Variants in RSRC1 observed in about 807,000 individuals in gnomAD.
The protein encoded by RSRC1 is arginine and serine rich coiled-coil 1.
Under a neutral mutation model 49.1 loss-of-function variants are expected in RSRC1, and 39 were observed. That is an observed-to-expected ratio of 0.79 (90% CI 0.61 to 1.04). The LOEUF (loss-of-function observed/expected upper bound fraction) is 1.04, where lower values mean the gene tolerates loss of function less well. Ranked by LOEUF, RSRC1 falls within the 50% of genes least tolerant of loss-of-function variation. The pLI is 0.00. For missense variants in RSRC1, 388 were observed against 402.4 expected (o/e 0.96, Z 0.31); for synonymous variants, 143 against 130.8 (o/e 1.09, Z -0.63).
intron 6 of RSRC1, among the ~76,000 whole-genome samples, chr3:158,409,307 A>C (rs1479327698): frequency 6.6e-6 from 1 of 152,172 alleles, no homozygotes; most frequent in Non-Finnish European, 1.5e-5. Context: ...CTGCATTTGA[A>C]TTCACAAAAT....
intron 3 of RSRC1, among the ~76,000 whole-genome samples, chr3:158,180,471 ATT>A (rs1490011692): frequency 1.1e-5 from 1 of 92,606 alleles, no homozygotes; most frequent in Non-Finnish European, 2.0e-5. Context: ...TGTGTGTGTA[ATT>A]TTTTGTTTCT....
intron 5 of RSRC1, among the ~76,000 whole-genome samples, chr3:158,317,860 T>A (rs1728548036): frequency 6.6e-6 from 1 of 152,124 alleles, no homozygotes; most frequent in African/African-American, 2.4e-5. Context: ...GTGCCTGGCC[T>A]AAAAAACATA....
At chr3:158,515,580 G>C (rs1405057985) in intron 7 of RSRC1, among the ~76,000 whole-genome samples, 1 of 133,096 alleles carries the variant, frequency 7.5e-6, no homozygotes, top group Non-Finnish European at 1.6e-5. Flanking sequence ...ATGTGTCTTG[G>C]AGTTGCTCTT....
chr3:158,213,239 A>G (rs1295784426), intron 4 of RSRC1, among the ~76,000 whole-genome samples: 2 of 151,944 alleles, frequency 1.3e-5, no homozygotes, highest in African/African-American at 2.4e-5. Context: ...TAGGAATAAC[A>G]TATGTCTCTT....
intron 3 of RSRC1, among the ~76,000 whole-genome samples, chr3:158,193,731 AAATTT>A (rs1307285351): frequency 6.6e-6 from 1 of 152,134 alleles, no homozygotes; most frequent in Non-Finnish European, 1.5e-5. Context: ...ACGTAATAGA[AAATTT>A]AATCAGAAAA....
intron 7 of RSRC1, among the ~76,000 whole-genome samples, chr3:158,495,001 T>C (rs1031315408): frequency 6.6e-6 from 1 of 152,232 alleles, no homozygotes; most frequent in Admixed American, 6.5e-5. Flanking sequence ...CTCTACATAA[T>C]TGTATGTGCT....
chr3:158,361,894 C>T (rs888483317), intron 6 of RSRC1, among the ~76,000 whole-genome samples: 20 of 152,136 alleles, frequency 1.3e-4, no homozygotes, highest in African/African-American at 4.6e-4. Flanking sequence ...ATTCCAGTAC[C>T]TAATGTTTCT....
intron 6 of RSRC1, among the ~76,000 whole-genome samples, chr3:158,411,233 T>TA (rs745496456): frequency 1.3e-5 from 2 of 152,162 alleles, no homozygotes; most frequent in Non-Finnish European, 2.9e-5. Context: ...AGTTTGATGC[T>TA]AATATGAATA....
At chr3:158,185,742 T>C (rs1018256740) in intron 3 of RSRC1, among the ~76,000 whole-genome samples, 1 of 151,964 alleles carries the variant, frequency 6.6e-6, no homozygotes, top group South Asian at 2.1e-4. Flanking sequence ...TACCCCTTTG[T>C]AATTTAAATG....
intron 3 of RSRC1, among the ~76,000 whole-genome samples, chr3:158,139,262 C>T (rs1716586273): frequency 6.6e-6 from 1 of 151,794 alleles, no homozygotes; most frequent in African/African-American, 2.4e-5. Context: ...TTAGCTGGGC[C>T]TGGTGACGGG....
At chr3:158,430,637 A>T (rs1735730109) in intron 6 of RSRC1, among the ~76,000 whole-genome samples, 1 of 151,942 alleles carries the variant, frequency 6.6e-6, no homozygotes, top group Non-Finnish European at 1.5e-5. Context: ...GGAAATACAG[A>T]TATGAATAAG....
At chr3:158,366,883 C>T (rs1731798335) in intron 6 of RSRC1, among the ~76,000 whole-genome samples, 2 of 152,040 alleles carry the variant, frequency 1.3e-5, no homozygotes, top group Admixed American at 1.3e-4. Context: ...AGTTGGATTC[C>T]TAGGTATTTT....
Position 158,515,098 on chromosome 3 carries a change from G to A in RSRC1, c.653-21994G>A, listed in dbSNP as rs56396640. 6.2e-5 allele frequency among the ~76,000 whole-genome samples: 9 copies of A among 144,944 alleles called. No homozygotes were observed. In the South Asian group the frequency reaches 1.9e-3, roughly 31 times the overall value. On this transcript the variant is annotated intron_variant, in intron 7 of 9. Coordinates refer to ENST00000611884, the MANE Select transcript of RSRC1 (RefSeq NM_001271838.2). ...CTTGCCAGTCTGTGTCTTTTAATTG[G>A]AGCATTTAGTCCATTTACATTTAAA...
At chr3:158,345,765 A>G (rs926628859) in intron 5 of RSRC1, among the ~76,000 whole-genome samples, 39 of 123,530 alleles carry the variant, frequency 3.2e-4, no homozygotes, top group Admixed American at 2.8e-3. Context: ...CATCATATAT[A>G]TGTGTGTGTG....
chr3:158,112,819 C>T (rs1483808910), intron 1 of RSRC1, among the ~76,000 whole-genome samples: 1 of 151,574 alleles, frequency 6.6e-6, no homozygotes, highest in Non-Finnish European at 1.5e-5. Context: ...ACCTCAGGCC[C>T]CATTGTGTGT....
chr3:158,444,753 A>G (rs143848303), intron 6 of RSRC1, among the ~76,000 whole-genome samples: 2 of 152,262 alleles, frequency 1.3e-5, no homozygotes, highest in East Asian at 3.9e-4. Flanking sequence ...TTTGCAATCT[A>G]CTCATCTGAC....
At chr3:158,446,131 T>G (rs1433044980) in intron 6 of RSRC1, among the ~76,000 whole-genome samples, 1 of 152,118 alleles carries the variant, frequency 6.6e-6, no homozygotes, top group East Asian at 1.9e-4. Context: ...CCAGGAAAAT[T>G]ACAAGTAGTA....
intron 6 of RSRC1, among the ~76,000 whole-genome samples, chr3:158,426,536 A>T (rs960117505): frequency 2.0e-5 from 3 of 151,722 alleles, no homozygotes; most frequent in Non-Finnish European, 4.4e-5. Context: ...CAAAAAGTCC[A>T]ACACTACCAG....
At chr3:158,440,882 C>G (rs1238835728) in intron 6 of RSRC1, among the ~76,000 whole-genome samples, 1 of 151,942 alleles carries the variant, frequency 6.6e-6, no homozygotes, top group Non-Finnish European at 1.5e-5. Context: ...GCAGAGCTTG[C>G]AGAGACCCGA....
Sources: allele counts gnomAD v4.1 joint callset (sites outside exome capture counted in the v4.1 genomes callset), GRCh38; gene constraint gnomAD v4.1.1; transcripts MANE v1.5; gene names NCBI Gene and HGNC (gene_info 2026-07-23, HGNC 2026-07-21).